HLA-DOA: variants seen among roughly 807,000 people sequenced by gnomAD.
HLA-DOA encodes HLA class II histocompatibility antigen, DO alpha chain.
In HLA-DOA, 27 loss-of-function variants were observed where a neutral mutation model predicts 22.9. The ratio of observed to expected loss-of-function variants is 1.18; its 90% CI spans 0.87 to 1.62. The LOEUF is 1.62. HLA-DOA is among the 40% of genes most tolerant of loss of function. The probability of loss-of-function intolerance (pLI) is 0.00; values close to 1 mark genes in which losing one functional copy is unlikely to be tolerated. For missense variants in HLA-DOA, 324 were observed against 332.4 expected (o/e 0.97, Z 0.20); for synonymous variants, 137 against 138.6 (o/e 0.99, Z 0.08).
intron 1 of HLA-DOA, chr6:33,008,467 GC>G: frequency 7.4e-7 from 1 of 1,343,238 alleles, no homozygotes; most frequent in Non-Finnish European, 9.7e-7. Context: ...ACTGCAGTCG[GC>G]ACAGAGACAG....
chr6:33,006,980 A>G, intron 4 of HLA-DOA, 100 bp downstream of exon 4: 1 of 1,516,022 alleles, frequency 6.6e-7, no homozygotes, highest in African/African-American at 1.4e-5. Flanking sequence ...TTCTTTTCTG[A>G]CTTCTTTCCC....
chr6:33,008,462 A>G, intron 1 of HLA-DOA: 1 of 1,369,894 alleles, frequency 7.3e-7, no homozygotes, highest in Non-Finnish European at 9.5e-7. Context: ...AGCACACTGC[A>G]GTCGGCACAG....
At position 33,009,448 on chromosome 6, in the gene HLA-DOA, C is replaced by G; in HGVS notation, c.82+7G>C. The G allele has an allele frequency of 6.3e-7, 1 of 1,588,938 alleles. No homozygotes were observed. The highest frequency in any genetic ancestry group is 8.6e-7 in the Non-Finnish European group (1 of 1,169,446). On this transcript the variant is annotated splice_region_variant and intron_variant, in intron 1 of 4. Coordinates refer to ENST00000229829, the MANE Select transcript of HLA-DOA (RefSeq NM_002119.4). This position sits in a 1 kb window ranked among gnomAD's most constrained non-coding sequence, Gnocchi z 4.8. ...CCCCGCCGCACCCTCCTCGCCCTCG[C>G]ACTCACCCTTGGTGGCCCCTGCCTC...
intron 2 of HLA-DOA, 110 bp downstream of exon 2, chr6:33,007,903 A>G (rs1043354399): frequency 7.2e-7 from 1 of 1,392,834 alleles, no homozygotes; most frequent in Non-Finnish European, 9.7e-7. Context: ...ACAGGGCATG[A>G]CAGGCGCGGG....
In HLA-DOA at chr6:33,006,199, G is replaced by A. The variant is rs1158787810; in HGVS notation, c.*639C>T. The A allele has an allele frequency of 7.9e-6, 1 of 126,798 alleles. No homozygotes were observed. The highest frequency in any genetic ancestry group is 2.8e-5 in the African/African-American group (1 of 35,822). The allele number at this position is 126,798 out of a possible 1,614,324, so 7.9% of individuals were successfully genotyped here. ...TTGGGCCTCTCTTTATCATGCATGG[G>A]ACTCTAGGGAAAAGTAGAAAAAGGA... is the stretch of plus-strand genomic sequence containing the variant. On this transcript the variant is annotated 3_prime_UTR_variant, in exon 5 of 5. Coordinates refer to ENST00000229829, the MANE Select transcript of HLA-DOA (RefSeq NM_002119.4).
rs548370082 is a variant in HLA-DOA at position 33,007,542 on chromosome 6, G to T, written c.382C>A (p.Pro128Thr). 17 of 1,612,866 alleles carry T rather than the reference G, an allele frequency of 1.1e-5. No homozygotes were observed. The South Asian group carries it at 1.8e-4, about 17-fold the overall frequency. The change falls in exon 3 of 5, where the codon CCC becomes ACC. Residue 128 changes from proline (P) to threonine (T), a missense_variant. Pro to Thr is a conservative substitution (Grantham distance 38, BLOSUM62 -1). Transcript: ENST00000229829. ...TCCACGATGCAGATGAGGATGTTGGGCTGGCCCAGCTCCACCCGAGACTTG... is the reference window on the plus strand; with the variant it reads ...TCCACGATGCAGATGAGGATGTTGGTCTGGCCCAGCTCCACCCGAGACTTG... ...LPKSRVELGQ[P>T]NILICIVDNI...
chr6:33,006,464 C>T lies in HLA-DOA; in HGVS notation c.*374G>A. 2.3e-6 allele frequency: 1 copy of T among 435,198 alleles called. No homozygotes were observed. The highest frequency in any genetic ancestry group is 4.2e-6 in the Non-Finnish European group (1 of 238,018). 27.0% of individuals were successfully genotyped at this position (435,198 alleles called of 1,614,324 possible). A position where few individuals can be genotyped will look rare whatever the true frequency, so the allele number is the denominator to read the frequency against. On this transcript the variant is annotated 3_prime_UTR_variant, in exon 5 of 5. Coordinates refer to ENST00000229829, the MANE Select transcript of HLA-DOA (RefSeq NM_002119.4). ...GTAACACACAATGGGCCAAATGGAGCAAGACACACCTGTGTGGGCCCCAGG... is the reference window on the plus strand; with the variant it reads ...GTAACACACAATGGGCCAAATGGAGTAAGACACACCTGTGTGGGCCCCAGG...
rs1317688397 is a variant in HLA-DOA, at chr6:33,005,884, G to A, written c.*954C>T. On this transcript the variant is annotated 3_prime_UTR_variant, in exon 5 of 5. Transcript: ENST00000229829. ...GAATGAGCCACTGCACCAGGCCAAT[G>A]CCTGTACTTTTAAAAGGATCCCAAG... 6 of 152,236 alleles carry A rather than the reference G, an allele frequency of 3.9e-5. No individual in the cohort carries two copies. Among genetic ancestry groups the A allele is most frequent in the African/African-American group, 9.7e-5 (4 of 41,440 alleles). The allele number at this position is 152,236 out of a possible 1,614,324, so 9.4% of individuals were successfully genotyped here. A position where few individuals can be genotyped will look rare whatever the true frequency, so the allele number is the denominator to read the frequency against.
chr6:33,006,996 C>T (rs1310623233), intron 4 of HLA-DOA, 84 bp downstream of exon 4: 3 of 1,524,292 alleles, frequency 2.0e-6, no homozygotes, highest in East Asian at 4.5e-5. Context: ...TTCCCCACAA[C>T]AGAATCTCTG....
At chr6:33,006,968 A>G (rs1454145226) in intron 4 of HLA-DOA, 112 bp downstream of exon 4, 9 of 1,495,442 alleles carry the variant, frequency 6.0e-6, no homozygotes, top group Non-Finnish European at 8.3e-6. Context: ...CTCCCTGCCC[A>G]TTTCTTTTCT....
rs1212778568 is a variant in HLA-DOA at position 33,004,979 on chromosome 6, A to G, written c.*1859T>C. ...CTTTCTTTTCCAGGACCAACTGCTC[A>G]CAGTTCAAACCCTCATTTTGCCTCT... On this transcript the variant is annotated 3_prime_UTR_variant, in exon 5 of 5. Transcript: ENST00000229829. 1 of 152,258 alleles carries G rather than the reference A, an allele frequency of 6.6e-6. No homozygotes were observed. The highest frequency in any genetic ancestry group is 1.5e-5 in the Non-Finnish European group (1 of 68,086). The allele number at this position is 152,258 out of a possible 1,614,324, so 9.4% of individuals were successfully genotyped here. A position where few individuals can be genotyped will look rare whatever the true frequency, so the allele number is the denominator to read the frequency against.
In HLA-DOA at chr6:33,007,593, C is replaced by G. The variant is rs1780876490; in HGVS notation, c.332-1G>C. ...GGGAGCACGGTCACCCGTGGAGGCA[C>G]TAGGAGGAACAGGCCCTGAGTCCAC... On this transcript the variant is annotated splice_acceptor_variant, in intron 2 of 4. Coordinates refer to ENST00000229829, the MANE Select transcript of HLA-DOA (RefSeq NM_002119.4). LOFTEE classifies it high-confidence loss of function. 1 of 1,608,920 alleles carries G rather than the reference C, an allele frequency of 6.2e-7. No individual in the cohort carries two copies. Among genetic ancestry groups the G allele is most frequent in the Non-Finnish European group, 8.5e-7 (1 of 1,178,020 alleles).
chr6:33,009,442 C>A lies in HLA-DOA; in HGVS notation c.82+13G>T. The A allele has an allele frequency of 6.3e-7, 1 of 1,578,706 alleles. No individual in the cohort carries two copies. The highest frequency in any genetic ancestry group is 8.6e-7 in the Non-Finnish European group (1 of 1,163,734). On this transcript the variant is annotated intron_variant, in intron 1 of 4. Coordinates refer to ENST00000229829, the MANE Select transcript of HLA-DOA (RefSeq NM_002119.4). This position sits in a 1 kb window ranked among gnomAD's most constrained non-coding sequence, Gnocchi z 4.8. ...TCTGCTCCCCGCCGCACCCTCCTCG[C>A]CCTCGCACTCACCCTTGGTGGCCCC...
chr6:33,006,736 A>C lies in HLA-DOA; in HGVS notation c.*102T>G. The stretch of plus-strand genomic sequence containing the variant: ...GATGTTGATCCCACTCAAAGTCAGC[A>C]CAGCGGGATGCACTTAAAGGGCACT... On this transcript the variant is annotated 3_prime_UTR_variant, in exon 5 of 5. Transcript: ENST00000229829. 6.3e-7 allele frequency: 1 copy of C among 1,599,432 alleles called. No individual in the cohort carries two copies. The highest frequency in any genetic ancestry group is 8.6e-7 in the Non-Finnish European group (1 of 1,167,744).
chr6:33,006,867 G>A (rs369851643), intron 4 of HLA-DOA, 26 bp from the exon 5 acceptor site: 5 of 1,590,934 alleles, frequency 3.1e-6, no homozygotes, highest in African/African-American at 2.7e-5. Flanking sequence ...ACATACGATC[G>A]AGGTTGCTCA....
In HLA-DOA at chr6:33,005,486, A is replaced by T. The variant is rs3128936; in HGVS notation, c.*1352T>A. 88,545 of 151,790 alleles carry T rather than the reference A, an allele frequency of 0.58. 26,056 individuals are homozygous for T. Among genetic ancestry groups the T allele is most frequent in the East Asian group, 0.69 (3,560 of 5,126 alleles). 9.4% of individuals were successfully genotyped at this position (151,790 alleles called of 1,614,324 possible). Reference sequence around the variant, plus strand: ...CAGCCTGGTGACAGAGTGAGACCCCATCTCAGAAAAGACAGCCTCCCTGTT... The same window carrying T: ...CAGCCTGGTGACAGAGTGAGACCCCTTCTCAGAAAAGACAGCCTCCCTGTT... On this transcript the variant is annotated 3_prime_UTR_variant, in exon 5 of 5. Transcript: ENST00000229829.
At position 33,009,515 on chromosome 6, in the gene HLA-DOA, C is replaced by G; in HGVS notation, c.22G>C (p.Val8Leu). 6.2e-7 allele frequency: 1 copy of G among 1,606,302 alleles called. No individual in the cohort carries two copies. Among genetic ancestry groups the G allele is most frequent in the Non-Finnish European group, 8.5e-7 (1 of 1,177,946 alleles). ...GTCATCAGGGTGTGGAACCCCAGGACCAGCCCTGCTCTGAGGGCCATTACA... is the reference window on the plus strand; with the variant it reads ...GTCATCAGGGTGTGGAACCCCAGGAGCAGCCCTGCTCTGAGGGCCATTACA... MALRAGL[V>L]LGFHTLMTLL... Residue 8 changes from valine to leucine, a missense_variant, in exon 1 of 5, where the codon GTC (valine) becomes CTC (leucine). Val to Leu is a conservative substitution (Grantham distance 32). Transcript: ENST00000229829. The surrounding 1 kb of genome is among the most constrained non-coding windows in gnomAD (Gnocchi z 4.8).
In HLA-DOA at chr6:33,007,198, G is replaced by C; in HGVS notation, c.631C>G (p.Pro211Ala). ...LRHWELQVPI[P>A]PPDAMETLVC... ...AGGGTCTCCATGGCATCTGGTGGTG[G>C]AATAGGCACCTGGAGCTCTAGGAGA... The change falls in exon 4 of 5, where the codon CCA (proline) becomes GCA (alanine). Residue 211 changes from proline (P) to alanine (A), a missense_variant. Physicochemically the swap from Pro to Ala is conservative, Grantham distance 27. Transcript: ENST00000229829. The C allele has an allele frequency of 6.2e-7, 1 of 1,613,834 alleles. No homozygotes were observed. The highest frequency in any genetic ancestry group is 8.5e-7 in the Non-Finnish European group (1 of 1,180,032).
rs1443245080 is a variant in HLA-DOA at position 33,009,318 on chromosome 6, T to C, written c.82+137A>G. ...GTGGATGTGACAGAGATGAGGGGGA[T>C]TGGGTGTCTCTTGGTGAAGGAAGTT... On this transcript the variant is annotated intron_variant, in intron 1 of 4. Coordinates refer to ENST00000229829, the MANE Select transcript of HLA-DOA (RefSeq NM_002119.4). This position sits in a 1 kb window ranked among gnomAD's most constrained non-coding sequence, Gnocchi z 4.8. The C allele has an allele frequency of 9.0e-6, 5 of 556,222 alleles. No individual in the cohort carries two copies. The highest frequency in any genetic ancestry group is 2.5e-5 in the South Asian group (1 of 39,614). The allele number at this position is 556,222 out of a possible 1,614,324, so 34.5% of individuals were successfully genotyped here. A position where few individuals can be genotyped will look rare whatever the true frequency, so the allele number is the denominator to read the frequency against.
Sources: allele counts gnomAD v4.1 joint callset, GRCh38; gene constraint gnomAD v4.1.1; non-coding constraint Gnocchi (gnomAD v3.1); transcripts MANE v1.5; gene names NCBI Gene and HGNC (gene_info 2026-07-23, HGNC 2026-07-21).